REEP3: variants seen among roughly 807,000 people sequenced by gnomAD.
The protein encoded by REEP3 is receptor accessory protein 3, also known as receptor expression-enhancing protein 3.
Under a neutral mutation model 41.3 loss-of-function variants are expected in REEP3, and 20 were observed. The ratio of observed to expected loss-of-function variants is 0.48; its 90% CI spans 0.34 to 0.70. REEP3 has a LOEUF of 0.70. Ranked by LOEUF, REEP3 falls within the 30% of genes least tolerant of loss-of-function variation. The pLI, the probability that REEP3 is intolerant of heterozygous loss-of-function variation, is 0.01. For synonymous variants in REEP3, 104 were observed against 101.8 expected (o/e 1.02, Z -0.13); for missense variants, 271 against 308.8 (o/e 0.88, Z 0.92).
chr10:63,554,021 G>A (rs1955653691), intron 1 of REEP3, among the ~76,000 whole-genome samples: 1 of 151,318 alleles, frequency 6.6e-6, no homozygotes, highest in Admixed American at 6.6e-5. Flanking sequence ...AGAATGGCGT[G>A]AACCCGGGAG....
chr10:63,589,616 C>T (rs57272989), intron 2 of REEP3, among the ~76,000 whole-genome samples: 5,411 of 152,090 alleles, frequency 0.036, 317 homozygotes, highest in East Asian at 0.28. Flanking sequence ...GATATAATAC[C>T]AGTTCCTGCA....
chr10:63,564,415 G>T (rs2133373859), intron 1 of REEP3, among the ~76,000 whole-genome samples: 1 of 152,220 alleles, frequency 6.6e-6, no homozygotes, highest in South Asian at 2.1e-4. Context: ...TTGAGGTCAG[G>T]AGTTCGAGAC....
intron 1 of REEP3, among the ~76,000 whole-genome samples, chr10:63,530,111 T>A (rs1955406281): frequency 6.6e-6 from 1 of 152,200 alleles, no homozygotes. Flanking sequence ...TTTGCTATAA[T>A]ATAGCAAGAG....
chr10:63,524,756 G>GT lies in REEP3; in HGVS notation c.32+3182dup, dbSNP rs764724366. On this transcript the variant is annotated intron_variant, in intron 1 of 7. Transcript: ENST00000373758. The stretch of plus-strand genomic sequence containing the variant: ...ACCGCACCTGGCCCTGGATACCACT[G>GT]TTTACAGCTGCGTGGTCTTGGGCAG... Among the ~76,000 whole-genome samples, 9 of 152,292 alleles carry GT rather than the reference G, an allele frequency of 5.9e-5. No individual in the cohort carries two copies. In the East Asian group the frequency reaches 1.3e-3, roughly 23 times the overall value.
At chr10:63,615,669 C>G (rs1019249499) in intron 6 of REEP3, among the ~76,000 whole-genome samples, 1 of 151,994 alleles carries the variant, frequency 6.6e-6, no homozygotes, top group Admixed American at 6.6e-5. Context: ...CTCAGCCTCC[C>G]GAGTAGCTGG....
chr10:63,566,831 C>T (rs1241302135), intron 2 of REEP3, among the ~76,000 whole-genome samples: 1 of 152,156 alleles, frequency 6.6e-6, no homozygotes, highest in South Asian at 2.1e-4. Context: ...GCAGATACTC[C>T]ATCACCACTG....
At chr10:63,610,380 G>A (rs1194574073) in intron 6 of REEP3, 46 bp downstream of exon 6, 18 of 1,540,284 alleles carry the variant, frequency 1.2e-5, no homozygotes, top group Non-Finnish European at 1.3e-5. Flanking sequence ...ATGGAAACAG[G>A]GAGGGGAACA....
chr10:63,523,279 A>T (rs1955311834), intron 1 of REEP3, among the ~76,000 whole-genome samples: 1 of 152,184 alleles, frequency 6.6e-6, no homozygotes, highest in South Asian at 2.1e-4. Flanking sequence ...AGTGTTGGAC[A>T]AGGAAGGGAT....
At chr10:63,553,853 A>G (rs1955651801) in intron 1 of REEP3, among the ~76,000 whole-genome samples, 1 of 152,156 alleles carries the variant, frequency 6.6e-6, no homozygotes, top group African/African-American at 2.4e-5. Flanking sequence ...TTGTAATCCC[A>G]GCACTTTGGG....
chr10:63,537,961 C>A (rs913047411), intron 1 of REEP3, among the ~76,000 whole-genome samples: 2 of 143,212 alleles, frequency 1.4e-5, no homozygotes, highest in African/African-American at 5.2e-5. Context: ...CTTCCCCCCC[C>A]GACCCCCATT....
chr10:63,584,721 A>T (rs1220098027), intron 2 of REEP3, among the ~76,000 whole-genome samples: 1 of 152,178 alleles, frequency 6.6e-6, no homozygotes, highest in Non-Finnish European at 1.5e-5. Context: ...TACTGTCTCT[A>T]AAAAAATCTG....
rs1300023485 is a variant in REEP3, at chr10:63,623,970, AT to A, written c.*3108del. 6 of 152,476 alleles carry A rather than the reference AT, an allele frequency of 3.9e-5. No homozygotes were observed. The highest frequency in any genetic ancestry group is 2.1e-4 in the South Asian group (1 of 4,850). The allele number at this position is 152,476 out of a possible 1,614,324, so 9.4% of individuals were successfully genotyped here. A position where few individuals can be genotyped will look rare whatever the true frequency, so the allele number is the denominator to read the frequency against. On this transcript the variant is annotated 3_prime_UTR_variant, in exon 8 of 8. Coordinates refer to ENST00000373758, the MANE Select transcript of REEP3 (RefSeq NM_001001330.3). ...ATATTCCAAATTTCTGTGGTTAAAT[AT>A]TTTTTTCTTTTTTTTCCTTTTTTAG...
chr10:63,568,779 C>G (rs4633333), intron 2 of REEP3, among the ~76,000 whole-genome samples: 68,432 of 150,266 alleles, frequency 0.46, 16,083 homozygotes, highest in South Asian at 0.54. Context: ...CCTCAGCCTT[C>G]TCAGTAGCTG....
At chr10:63,586,778 C>A (rs1025297450) in intron 2 of REEP3, among the ~76,000 whole-genome samples, 1 of 152,050 alleles carries the variant, frequency 6.6e-6, no homozygotes, top group African/African-American at 2.4e-5. Context: ...GCAATCCTCC[C>A]ACCTAAACCT....
At chr10:63,572,403 A>G (rs1955861278) in intron 2 of REEP3, among the ~76,000 whole-genome samples, 1 of 152,004 alleles carries the variant, frequency 6.6e-6, no homozygotes, top group Non-Finnish European at 1.5e-5. Flanking sequence ...GTTTGCACCC[A>G]TCAACCTGTC....
intron 1 of REEP3, among the ~76,000 whole-genome samples, chr10:63,538,687 T>C (rs1589858953): frequency 2.0e-5 from 3 of 151,928 alleles, no homozygotes; most frequent in South Asian, 4.2e-4. Flanking sequence ...TGAGCCAAGA[T>C]CAAGCCACTA....
chr10:63,578,560 A>G (rs775526429), intron 2 of REEP3, among the ~76,000 whole-genome samples: 5 of 152,058 alleles, frequency 3.3e-5, no homozygotes, highest in Non-Finnish European at 5.9e-5. Flanking sequence ...CAATCGCTTG[A>G]GTCCAGGAGT....
intron 2 of REEP3, among the ~76,000 whole-genome samples, chr10:63,573,805 T>C (rs1237222853): frequency 1.3e-5 from 2 of 152,188 alleles, no homozygotes; most frequent in Admixed American, 6.5e-5. Flanking sequence ...AAGAAGTGTT[T>C]CCTAGGTATC....
At chr10:63,593,149 T>C (rs1031594480) in intron 2 of REEP3, among the ~76,000 whole-genome samples, 3 of 152,260 alleles carry the variant, frequency 2.0e-5, no homozygotes, top group Admixed American at 2.0e-4. Flanking sequence ...TATTGGGTTG[T>C]TCATGTAAAT....
Sources: allele counts gnomAD v4.1 joint callset (sites outside exome capture counted in the v4.1 genomes callset), GRCh38; gene constraint gnomAD v4.1.1; transcripts MANE v1.5; gene names NCBI Gene and HGNC (gene_info 2026-07-23, HGNC 2026-07-21).